Variants in TFDP2 observed in about 807,000 individuals in gnomAD.
TFDP2 encodes transcription factor Dp-2.
A neutral mutation model predicts 59.3 loss-of-function variants in TFDP2; 17 were observed. The observed-to-expected ratio is 0.29, with a 90% confidence interval of 0.20 to 0.43. The LOEUF (loss-of-function observed/expected upper bound fraction) is 0.43. Ranked by LOEUF, TFDP2 falls within the 20% of genes least tolerant of loss-of-function variation. TFDP2 has a pLI of 1.00. For missense variants in TFDP2, 391 were observed against 528.8 expected, an observed-to-expected ratio of 0.74 and a Z score of 2.56; for synonymous variants, 180 against 194.7, an observed-to-expected ratio of 0.92 and a Z score of 0.63.
chr3:142,052,049 C>T (rs1947657124), intron 3 of TFDP2, among the ~76,000 whole-genome samples: 1 of 151,922 alleles, frequency 6.6e-6, no homozygotes, highest in South Asian at 2.1e-4. Flanking sequence ...TAGCTTGAGC[C>T]CAGGAGGTCA....
intron 11 of TFDP2, among the ~76,000 whole-genome samples, chr3:141,957,843 G>T (rs1173995908): frequency 6.6e-6 from 1 of 152,160 alleles, no homozygotes; most frequent in African/African-American, 2.4e-5. Flanking sequence ...ACTGTTAATG[G>T]GTTTGGGTTT....
At chr3:142,040,213 A>C (rs1358782271) in intron 3 of TFDP2, among the ~76,000 whole-genome samples, 3 of 152,194 alleles carry the variant, frequency 2.0e-5, no homozygotes, top group Non-Finnish European at 4.4e-5. Context: ...TGGAAATATC[A>C]GGGGCTTTAA....
intron 3 of TFDP2, among the ~76,000 whole-genome samples, chr3:142,021,788 A>G (rs1945629382): frequency 6.6e-6 from 1 of 152,200 alleles, no homozygotes; most frequent in African/African-American, 2.4e-5. Flanking sequence ...CTGGAATATT[A>G]TAATTGGTTT....
chr3:141,996,291 T>C (rs1356268821), intron 4 of TFDP2, among the ~76,000 whole-genome samples: 1 of 152,210 alleles, frequency 6.6e-6, no homozygotes, highest in Non-Finnish European at 1.5e-5. Flanking sequence ...GGAAGAGGCA[T>C]GCTCCGGTGA....
intron 3 of TFDP2, among the ~76,000 whole-genome samples, chr3:142,092,524 A>T (rs1021359198): frequency 1.3e-5 from 2 of 151,922 alleles, no homozygotes; most frequent in African/African-American, 4.8e-5. Context: ...TCACTATGTT[A>T]CCCAGGCTGG....
chr3:142,064,520 C>T (rs71304120), intron 3 of TFDP2, among the ~76,000 whole-genome samples: 280 of 152,296 alleles, frequency 1.8e-3, no homozygotes, highest in South Asian at 4.1e-3. Context: ...CAAATTATTA[C>T]TCAAGTGCCT....
chr3:142,073,217 G>C (rs1560113376), intron 3 of TFDP2, among the ~76,000 whole-genome samples: 1 of 152,148 alleles, frequency 6.6e-6, no homozygotes, highest in Non-Finnish European at 1.5e-5. Flanking sequence ...GTACAGGTAT[G>C]TGCCACCATG....
At chr3:142,034,601 G>C (rs1442045340) in intron 3 of TFDP2, among the ~76,000 whole-genome samples, 2 of 152,116 alleles carry the variant, frequency 1.3e-5, no homozygotes, top group African/African-American at 2.4e-5. Context: ...CAGACAATGA[G>C]CTCTGCCTTG....
chr3:141,965,809 A>T (rs927681638), intron 9 of TFDP2, among the ~76,000 whole-genome samples: 1 of 152,010 alleles, frequency 6.6e-6, no homozygotes, highest in Non-Finnish European at 1.5e-5. Context: ...AACATTATTG[A>T]GGTTACATTT....
rs56004449 is a variant in TFDP2 at position 142,132,003 on chromosome 3, C to CAA, written c.-93+17178_-93+17179dup. On this transcript the variant is annotated intron_variant, in intron 1 of 12. Transcript: ENST00000489671. ...TGGGCAATGGAGCAAGACTCCGTCT[C>CAA]AAAAAAAAAAAAAAAAAAAGTCTAA... 8.0e-4 allele frequency among the ~76,000 whole-genome samples: 67 copies of CAA among 83,324 alleles called. 1 individual carries two copies. Among genetic ancestry groups the CAA allele is most frequent in the Middle Eastern group, 6.1e-3 (1 of 164 alleles). 54.7% of individuals were successfully genotyped at this position (83,324 alleles called of 152,430 possible).
intron 3 of TFDP2, among the ~76,000 whole-genome samples, chr3:142,038,988 A>C (rs1479810890): frequency 6.6e-6 from 1 of 152,196 alleles, no homozygotes; most frequent in Non-Finnish European, 1.5e-5. Context: ...TAAGTCAAAT[A>C]ATTTGTACAA....
intron 1 of TFDP2, among the ~76,000 whole-genome samples, chr3:142,135,341 A>C (rs181195349): frequency 4.7e-4 from 71 of 152,146 alleles, no homozygotes; most frequent in African/African-American, 1.6e-3. Context: ...CAAAACCTTA[A>C]AACTATATGT....
chr3:142,125,076 T>A (rs1016475846), intron 1 of TFDP2, among the ~76,000 whole-genome samples: 1 of 152,044 alleles, frequency 6.6e-6, no homozygotes, highest in African/African-American at 2.4e-5. Flanking sequence ...CGTGGTGGCA[T>A]GTGCCTGCTG....
chr3:142,060,062 T>G (rs528974519), intron 3 of TFDP2, among the ~76,000 whole-genome samples: 1 of 152,336 alleles, frequency 6.6e-6, no homozygotes, highest in South Asian at 2.1e-4. Flanking sequence ...AATGGGTACT[T>G]GAATAATTAG....
At chr3:141,968,992 C>CAT (rs1306685389) in intron 9 of TFDP2, among the ~76,000 whole-genome samples, 1 of 86,494 alleles carries the variant, frequency 1.2e-5, no homozygotes, top group Non-Finnish European at 2.2e-5. Context: ...ATATATATAA[C>CAT]ATATATCTCA....
chr3:142,003,244 C>G (rs1258349789), intron 4 of TFDP2, among the ~76,000 whole-genome samples: 7 of 152,104 alleles, frequency 4.6e-5, no homozygotes, highest in Non-Finnish European at 1.0e-4. Context: ...CGTGATCCAC[C>G]CACCTTGGCC....
intron 3 of TFDP2, among the ~76,000 whole-genome samples, chr3:142,040,630 A>G (rs1490687388): frequency 1.3e-5 from 2 of 152,180 alleles, no homozygotes; most frequent in Non-Finnish European, 2.9e-5. Context: ...GGGTTTCTCC[A>G]TGTTGGTCAG....
At chr3:141,956,881 C>A (rs897918195) in intron 11 of TFDP2, among the ~76,000 whole-genome samples, 1 of 151,360 alleles carries the variant, frequency 6.6e-6, no homozygotes, top group Non-Finnish European at 1.5e-5. Context: ...GCAGAGATTG[C>A]GCCACTGCAC....
rs562515665 is a variant in TFDP2, at chr3:142,063,814, A to G, written c.82+29247T>C. On this transcript the variant is annotated intron_variant, in intron 3 of 12. Coordinates refer to ENST00000489671, the MANE Select transcript of TFDP2 (RefSeq NM_001178139.2). ...ATGTAAAGCTTGATGACATCGTAGT[A>G]TTAGACACATAGCAGGTACTTAAAA... Among the ~76,000 whole-genome samples, 5 of 151,196 alleles carry G rather than the reference A, an allele frequency of 3.3e-5. No individual in the cohort carries two copies. The South Asian group carries it at 1.1e-3, about 32-fold the overall frequency.
Sources: gnomAD v4.1 joint callset for allele counts (sites outside exome capture counted in the v4.1 genomes callset) on GRCh38, gnomAD v4.1.1 for gene constraint, MANE v1.5 for transcripts, NCBI Gene and HGNC (gene_info 2026-07-23, HGNC 2026-07-21) for gene names.